The following SMARCA2 variants were observed in gnomAD, a reference collection of about 807,000 sequenced individuals.
SMARCA2 encodes the protein SWI/SNF-related matrix-associated actin-dependent regulator of chromatin subfamily A member 2.
In SMARCA2, 61 loss-of-function variants were observed where a neutral mutation model predicts 199.8. That is an observed-to-expected ratio of 0.31 (90% confidence interval 0.25 to 0.38). The LOEUF is 0.38. Ranked by LOEUF, SMARCA2 falls within the 10% of genes least tolerant of loss-of-function variation. SMARCA2 has a pLI of 1.00. For missense variants in SMARCA2, 1,344 were observed against 2,012.2 expected (o/e 0.67, Z 6.35); for synonymous variants, 935 against 732.0 (o/e 1.28, Z -4.48).
intron 2 of SMARCA2, among the ~76,000 whole-genome samples, chr9:2,029,671 G>A (rs527670066): frequency 1.3e-5 from 2 of 152,304 alleles, no homozygotes; most frequent in East Asian, 3.9e-4. Context: ...CCAAAGAGTA[G>A]AAGGAAAAAG....
At chr9:2,097,591 T>A in intron 21 of SMARCA2, 120 bp downstream of exon 21, 1 of 622,096 alleles carries the variant, frequency 1.6e-6, no homozygotes, top group South Asian at 2.2e-5. Flanking sequence ...TTGGCGGAAG[T>A]TGAGATGACA....
At chr9:2,148,944 A>G (rs1824903590) in intron 27 of SMARCA2, among the ~76,000 whole-genome samples, 2 of 151,608 alleles carry the variant, frequency 1.3e-5, no homozygotes, top group Non-Finnish European at 3.0e-5. Flanking sequence ...TGTTGATTTC[A>G]GCCATGTATT....
intron 27 of SMARCA2, among the ~76,000 whole-genome samples, chr9:2,142,879 T>C (rs183255712): frequency 6.6e-6 from 1 of 152,300 alleles, no homozygotes; most frequent in Admixed American, 6.5e-5. Context: ...GGGTAAACAA[T>C]AAAGACTTAA....
At chr9:2,070,558 T>C in intron 10 of SMARCA2, 87 bp downstream of exon 10, 1 of 910,344 alleles carries the variant, frequency 1.1e-6, no homozygotes, top group African/African-American at 1.6e-5. Flanking sequence ...CATACTATTT[T>C]ATTCTTACTG....
Position 2,076,174 on chromosome 9 carries a change from A to T in SMARCA2, c.1936-55A>T, listed in dbSNP as rs3763627. The T allele has an allele frequency of 0.1, 98,042 of 968,268 alleles. 5,956 individuals carry two copies. Among genetic ancestry groups the T allele is most frequent in the East Asian group, 0.27 (11,233 of 41,930 alleles). The allele number at this position is 968,268 out of a possible 1,614,324, so 60.0% of individuals were successfully genotyped here. ...TATGTCTTTTCAGAAAATGTCAATC[A>T]TAGAGATTTCCTTGTTAAAATATAA... On this transcript the variant is annotated intron_variant, in intron 12 of 33. Transcript: ENST00000349721.
chr9:2,100,717 A>G (rs941916138), intron 21 of SMARCA2, among the ~76,000 whole-genome samples: 3 of 151,966 alleles, frequency 2.0e-5, no homozygotes, highest in South Asian at 4.1e-4. Flanking sequence ...AAAAAAAAAG[A>G]AAAGATTTCA....
At chr9:2,062,667 G>A (rs1377779881) in intron 9 of SMARCA2, among the ~76,000 whole-genome samples, 4 of 152,052 alleles carry the variant, frequency 2.6e-5, no homozygotes, top group Non-Finnish European at 5.9e-5. Flanking sequence ...CTTATTCTTT[G>A]TGTCTTATGC....
chr9:2,174,893 C>G (rs994217456), intron 29 of SMARCA2, among the ~76,000 whole-genome samples: 1 of 129,016 alleles, frequency 7.8e-6, no homozygotes, highest in Non-Finnish European at 1.5e-5. Flanking sequence ...CTACTGCAGT[C>G]CAGCCTGGGG....
intron 1 of SMARCA2, among the ~76,000 whole-genome samples, chr9:2,025,116 T>C (rs1044139070): frequency 5.3e-5 from 8 of 152,240 alleles, no homozygotes; most frequent in Middle Eastern, 6.8e-3. Flanking sequence ...AGGATGACTG[T>C]GGTGTTTGGA....
chr9:2,120,400 C>G (rs1241783890), intron 26 of SMARCA2, among the ~76,000 whole-genome samples: 1 of 152,142 alleles, frequency 6.6e-6, no homozygotes, highest in Non-Finnish European at 1.5e-5. Flanking sequence ...AATGTGAGAC[C>G]TATGTCGCCA....
At position 2,093,428 on chromosome 9, in the gene SMARCA2, G is replaced by A. The variant is rs140196638; in HGVS notation, c.2884-3229G>A. 5.4e-3 allele frequency among the ~76,000 whole-genome samples: 822 copies of A among 152,296 alleles called. 18 individuals carry two copies. Among genetic ancestry groups the A allele is most frequent in the Non-Finnish European group, 5.7e-3 (387 of 68,018 alleles). On this transcript the variant is annotated intron_variant, in intron 19 of 33. Coordinates refer to ENST00000349721, the MANE Select transcript of SMARCA2 (RefSeq NM_003070.5). ...GTGTCTGAAAGCGAGTCATGTGCTG[G>A]GAGTACACTGTGTAGGTTATCCCAG...
intron 10 of SMARCA2, among the ~76,000 whole-genome samples, chr9:2,071,651 C>T (rs1387510333): frequency 6.6e-6 from 1 of 152,222 alleles, no homozygotes; most frequent in Non-Finnish European, 1.5e-5. Flanking sequence ...ACATCTTGCT[C>T]TATTTTGAAA....
At chr9:2,071,910 A>T (rs1355120508) in intron 10 of SMARCA2, 1 of 151,932 alleles carries the variant, frequency 6.6e-6, no homozygotes, top group Non-Finnish European at 1.5e-5. Flanking sequence ...CAAAGTAATG[A>T]TGTTCAAAAC....
Position 2,101,553 on chromosome 9 carries a change from A to C in SMARCA2, c.3079-17A>C, listed in dbSNP as rs776431853. The C allele has an allele frequency of 6.5e-6, 9 of 1,394,284 alleles. No individual in the cohort carries two copies. Among genetic ancestry groups the C allele is most frequent in the South Asian group, 3.9e-5 (3 of 77,280 alleles). The allele number at this position is 1,394,284 out of a possible 1,614,324, so 86.4% of individuals were successfully genotyped here. ...TACATTTTTTAAAATCATTCTTTCTATCTCTCTCTTTTAAAGGAATCCTTT... is the reference window on the plus strand; with the variant it reads ...TACATTTTTTAAAATCATTCTTTCTCTCTCTCTCTTTTAAAGGAATCCTTT... On this transcript the variant is annotated splice_polypyrimidine_tract_variant and intron_variant, in intron 21 of 33. Transcript: ENST00000349721.
chr9:2,166,791 C>T (rs7870143), intron 28 of SMARCA2, among the ~76,000 whole-genome samples: 3,388 of 152,248 alleles, frequency 0.022, 115 homozygotes, highest in African/African-American at 0.077. Context: ...TCAGTGAACT[C>T]ATATAGCCAT....
rs77980036 is a variant in SMARCA2 at position 2,071,064 on chromosome 9, T to G, written c.1746+593T>G. On this transcript the variant is annotated intron_variant, in intron 10 of 33. Transcript: ENST00000349721. ...AGAATTTAAGGTTCCCTGCCAGCGA[T>G]TCACAGTGAGGAGGCACACTCCCAG... 3.5e-3 allele frequency among the ~76,000 whole-genome samples: 530 copies of G among 152,208 alleles called. 3 individuals are homozygous for G. Among genetic ancestry groups the G allele is most frequent in the South Asian group, 0.018 (85 of 4,828 alleles).
At chr9:2,163,009 T>TAAG (rs1396502400) in intron 28 of SMARCA2, 6 of 152,248 alleles carry the variant, frequency 3.9e-5, no homozygotes, top group Admixed American at 2.0e-4. Flanking sequence ...CTGTAAGTGT[T>TAAG]TAACATGAAT....
chr9:2,156,522 C>G (rs1009736641), intron 27 of SMARCA2, among the ~76,000 whole-genome samples: 1 of 146,696 alleles, frequency 6.8e-6, no homozygotes, highest in Non-Finnish European at 1.5e-5. Flanking sequence ...CTCAGCCTCC[C>G]GAGGTTCAAG....
intron 27 of SMARCA2, chr9:2,159,723 C>G: frequency 2.0e-6 from 3 of 1,500,416 alleles, no homozygotes; most frequent in Non-Finnish European, 2.7e-6. Flanking sequence ...TGAGTATCCA[C>G]AATCCTTTCA....
Sources: gnomAD v4.1 joint callset for allele counts (sites outside exome capture counted in the v4.1 genomes callset) on GRCh38, gnomAD v4.1.1 for gene constraint, MANE v1.5 for transcripts, NCBI Gene and HGNC (gene_info 2026-07-23, HGNC 2026-07-21) for gene names.